TCF7L2: variants seen among roughly 807,000 people sequenced by gnomAD.
The protein encoded by TCF7L2 is transcription factor 7 like 2.
TCF7L2 carries 23 observed loss-of-function variants against 77.9 expected under a neutral mutation model. The ratio of observed to expected loss-of-function variants is 0.30; its 90% CI spans 0.21 to 0.42. TCF7L2 has a LOEUF of 0.42. Among genes scored for constraint, TCF7L2 ranks in the 10% least tolerant of loss-of-function variants. The probability of loss-of-function intolerance (pLI) is 1.00; values close to 1 mark genes in which losing one functional copy is unlikely to be tolerated. For missense variants in TCF7L2, 654 were observed against 793.1 expected (o/e 0.82, Z 2.11); for synonymous variants, 413 against 340.2 (o/e 1.21, Z -2.36).
chr10:112,966,430 A>G (rs916225968), intron 4 of TCF7L2, among the ~76,000 whole-genome samples: 1 of 151,902 alleles, frequency 6.6e-6, no homozygotes, highest in African/African-American at 2.4e-5. Flanking sequence ...GCTCCCAGAA[A>G]GTGCTTTAGG....
At chr10:113,158,762 T>C in intron 12 of TCF7L2, 45 bp downstream of exon 13, 1 of 1,587,824 alleles carries the variant, frequency 6.3e-7, no homozygotes, top group Non-Finnish European at 8.6e-7. Context: ...ATAAACTGTT[T>C]TTTAATTTTT....
At chr10:113,001,583 C>G (rs2044488292) in intron 4 of TCF7L2, among the ~76,000 whole-genome samples, 1 of 151,982 alleles carries the variant, frequency 6.6e-6, no homozygotes, top group Admixed American at 6.6e-5. Context: ...CAGGGTAGCT[C>G]CTGAAAGGGC....
chr10:113,021,612 CTG>C (rs1564793444), intron 4 of TCF7L2, among the ~76,000 whole-genome samples: 1 of 152,178 alleles, frequency 6.6e-6, no homozygotes, highest in Non-Finnish European at 1.5e-5. Flanking sequence ...GAAGAGTAAA[CTG>C]AGGTTCAGAG....
rs1592344825 is a variant in TCF7L2, at chr10:113,151,231, A to G, written c.1001+108A>G. 16 of 1,486,820 alleles carry G rather than the reference A, an allele frequency of 1.1e-5. No individual in the cohort carries two copies. Among genetic ancestry groups the G allele is most frequent in the Non-Finnish European group, 1.5e-5 (16 of 1,085,242 alleles). The allele number at this position is 1,486,820 out of a possible 1,614,324, so 92.1% of individuals were successfully genotyped here. ...CCTAAGGTTGGCCTCGTTTGGTTTG[A>G]CTGCAGCCAATACCCAGCCTGTGTG... On this transcript the variant is annotated intron_variant, in intron 9 of 13. Transcript: ENST00000627217. This position sits in a 1 kb window ranked among gnomAD's most constrained non-coding sequence, Gnocchi z 5.2.
chr10:113,018,330 A>G (rs569357833), intron 4 of TCF7L2, among the ~76,000 whole-genome samples: 2 of 151,514 alleles, frequency 1.3e-5, no homozygotes, highest in African/African-American at 4.9e-5. Flanking sequence ...GGCTCCGAGA[A>G]TGCTGGGTTG....
intron 4 of TCF7L2, among the ~76,000 whole-genome samples, chr10:112,970,252 T>G (rs2037943993): frequency 6.6e-6 from 1 of 152,072 alleles, no homozygotes; most frequent in Non-Finnish European, 1.5e-5. Context: ...TGGACCATTT[T>G]ATTTGTTTAC....
At chr10:113,139,661 T>C (rs796421329) in intron 5 of TCF7L2, among the ~76,000 whole-genome samples, 9 of 152,278 alleles carry the variant, frequency 5.9e-5, no homozygotes, top group African/African-American at 2.2e-4. Flanking sequence ...TTTTCTGTAG[T>C]TTTTTTCTGG....
At chr10:113,165,424 T>C (rs2073964217) in intron 13 of TCF7L2, 131 bp from the exon 15 acceptor site, 6 of 1,024,304 alleles carry the variant, frequency 5.9e-6, no homozygotes, top group South Asian at 1.5e-5. Flanking sequence ...GTAATTGTCC[T>C]CGGACCACTG....
intron 13 of TCF7L2, among the ~76,000 whole-genome samples, chr10:113,163,703 G>C (rs1592519664): frequency 6.6e-6 from 1 of 152,076 alleles, no homozygotes; most frequent in Non-Finnish European, 1.5e-5. Context: ...GGTGAGAGGG[G>C]GTGGTGCTTG....
At chr10:113,023,630 C>T (rs2048596078) in intron 4 of TCF7L2, among the ~76,000 whole-genome samples, 1 of 152,002 alleles carries the variant, frequency 6.6e-6, no homozygotes. Context: ...CACCACCACA[C>T]CCAGCTAATT....
Position 113,166,897 on chromosome 10 carries a change from C to A in TCF7L2, c.*925C>A. Reference sequence around the variant, plus strand: ...TTGCATTAAGGATCAGTAGCATTAACAAAAGTTGCTTTAAAAGCCATTATG... The same window carrying A: ...TTGCATTAAGGATCAGTAGCATTAAAAAAAGTTGCTTTAAAAGCCATTATG... On this transcript the variant is annotated 3_prime_UTR_variant, in exon 14 of 14. Coordinates refer to ENST00000627217, the MANE Select transcript of TCF7L2 (RefSeq NM_001146274.2). The A allele has an allele frequency of 4.4e-6, 1 of 227,342 alleles. No individual in the cohort carries two copies. Among genetic ancestry groups the A allele is most frequent in the Non-Finnish European group, 8.7e-6 (1 of 114,646 alleles). 14.1% of individuals were successfully genotyped at this position (227,342 alleles called of 1,614,324 possible). A position where few individuals can be genotyped will look rare whatever the true frequency, so the allele number is the denominator to read the frequency against.
At chr10:113,161,146 T>C (rs2073101830) in intron 13 of TCF7L2, 1 of 230,356 alleles carries the variant, frequency 4.3e-6, no homozygotes, top group Admixed American at 5.3e-5. Flanking sequence ...AGGCTTCTTC[T>C]TTCCCTTTTT....
chr10:113,090,507 G>A (rs539829596), intron 5 of TCF7L2, among the ~76,000 whole-genome samples: 1 of 152,326 alleles, frequency 6.6e-6, no homozygotes, highest in Non-Finnish European at 1.5e-5. Context: ...ATCTTTAAAA[G>A]TTTGTTCTGG....
At chr10:113,101,058 A>G (rs1283472602) in intron 5 of TCF7L2, among the ~76,000 whole-genome samples, 1 of 151,846 alleles carries the variant, frequency 6.6e-6, no homozygotes, top group Non-Finnish European at 1.5e-5. Flanking sequence ...CTGAGTGACA[A>G]GAGCGAAACT....
chr10:113,163,381 C>A (rs1267409343), intron 13 of TCF7L2, among the ~76,000 whole-genome samples: 2 of 152,220 alleles, frequency 1.3e-5, no homozygotes, highest in Non-Finnish European at 2.9e-5. Context: ...GCATGGAATG[C>A]TGCTTGGTGC....
In TCF7L2 at chr10:113,094,828, TC is replaced by T. The variant is rs374873202; in HGVS notation, c.553-46354del. 6.9e-3 allele frequency among the ~76,000 whole-genome samples: 1,058 copies of T among 152,284 alleles called. 10 individuals carry two copies. Among genetic ancestry groups the T allele is most frequent in the African/African-American group, 0.025 (1,020 of 41,570 alleles). Reference sequence around the variant, plus strand: ...AATGAACTCAGACTGTTTCCAAAGTTCCGCTGTTGGCCGGGCACTGTGGCTC... The same window carrying T: ...AATGAACTCAGACTGTTTCCAAAGTTCGCTGTTGGCCGGGCACTGTGGCTC... On this transcript the variant is annotated intron_variant, in intron 5 of 13. Transcript: ENST00000627217.
At chr10:113,129,902 A>T (rs1001196126) in intron 5 of TCF7L2, 3 of 1,292,670 alleles carry the variant, frequency 2.3e-6, no homozygotes, top group Non-Finnish European at 3.0e-6. Flanking sequence ...GGAATGGAAG[A>T]TTTGAGTGGT....
chr10:113,068,517 C>A (rs931193503), intron 5 of TCF7L2, among the ~76,000 whole-genome samples: 2 of 152,164 alleles, frequency 1.3e-5, no homozygotes, highest in Non-Finnish European at 2.9e-5. Flanking sequence ...TCTACCCTGC[C>A]ATGCCATGGC....
At chr10:113,129,592 C>G (rs1047358070) in intron 5 of TCF7L2, 3 of 1,099,476 alleles carry the variant, frequency 2.7e-6, no homozygotes, top group Non-Finnish European at 3.3e-6. Flanking sequence ...GATGTGTGTA[C>G]AGGGGGAAGG....
Sources: gnomAD v4.1 joint callset for allele counts (sites outside exome capture counted in the v4.1 genomes callset) on GRCh38, gnomAD v4.1.1 for gene constraint, Gnocchi (gnomAD v3.1) non-coding constraint, MANE v1.5 for transcripts, NCBI Gene and HGNC (gene_info 2026-07-23, HGNC 2026-07-21) for gene names.